The following MGME1 variants were observed in gnomAD, a reference collection of about 807,000 sequenced individuals.
MGME1 encodes chromosome 20 open reading frame 72.
In MGME1, 22 loss-of-function variants were observed where a neutral mutation model predicts 33.0. The ratio of observed to expected loss-of-function variants is 0.67; its 90% confidence interval spans 0.48 to 0.95. The LOEUF (loss-of-function observed/expected upper bound fraction) is 0.95, where lower values mean the gene tolerates loss of function less well. Among genes scored for constraint, MGME1 ranks in the 40% least tolerant of loss-of-function variants. The pLI, the probability that MGME1 is intolerant of heterozygous loss-of-function variation, is 0.00. For missense variants in MGME1, 383 were observed against 397.8 expected (o/e 0.96, Z 0.32); for synonymous variants, 133 against 144.0 (o/e 0.92, Z 0.55).
At chr20:17,968,767 T>C (rs1056073130), upstream of MGME1, 5 of 339,678 alleles carry the variant, frequency 1.5e-5, no homozygotes, top group African/African-American at 8.7e-5. Context: ...CAACGGACAC[T>C]CTCCCAGCAA....
Position 17,969,956 on chromosome 20 carries a change from TACTC to T in MGME1, c.99_102del (p.Ser34ValfsTer7). ...CCTTGTGGCTTTCTCTACTTCCTCT[TACTC>T]ATGTGGCCGGAAGAAAAAAGTGAAC... On this transcript the variant is annotated frameshift_variant, in exon 2 of 5. Coordinates refer to ENST00000377710, the MANE Select transcript of MGME1 (RefSeq NM_052865.4). LOFTEE classifies it high-confidence loss of function. 1 of 1,614,196 alleles carries T rather than the reference TACTC, an allele frequency of 6.2e-7. No individual in the cohort carries two copies. Among genetic ancestry groups the T allele is most frequent in the Non-Finnish European group, 8.5e-7 (1 of 1,180,032 alleles).
At chr20:17,980,681 C>T (rs896764754) in intron 3 of MGME1, among the ~76,000 whole-genome samples, 1 of 151,748 alleles carries the variant, frequency 6.6e-6, no homozygotes, top group Non-Finnish European at 1.5e-5. Context: ...TGGTGGCAGG[C>T]GCCTGTAGTC....
intron 4 of MGME1, 61 bp downstream of exon 4, chr20:17,988,359 G>A (rs569335586): frequency 6.1e-5 from 95 of 1,567,332 alleles, no homozygotes; most frequent in Middle Eastern, 1.7e-4. Context: ...CTATAACTCC[G>A]GGCCGGGCGC....
chr20:17,981,469 A>G (rs372809674), intron 3 of MGME1, among the ~76,000 whole-genome samples: 2 of 152,188 alleles, frequency 1.3e-5, no homozygotes, highest in Non-Finnish European at 2.9e-5. Flanking sequence ...AATGCATACT[A>G]TGTATTCAGT....
intron 4 of MGME1, among the ~76,000 whole-genome samples, chr20:17,988,679 G>T (rs1022961331): frequency 1.3e-5 from 2 of 148,384 alleles, no homozygotes; most frequent in Admixed American, 1.4e-4. Flanking sequence ...ACTTCTCAGT[G>T]GGGGGGTAGG....
At chr20:17,983,338 A>C (rs1278275821) in intron 3 of MGME1, among the ~76,000 whole-genome samples, 4 of 151,084 alleles carry the variant, frequency 2.6e-5, no homozygotes, top group African/African-American at 9.8e-5. Context: ...CCATAGATGG[A>C]CACTTAGGTT....
At chr20:17,975,652 C>T (rs1451023688) in intron 2 of MGME1, 32 bp from the exon 3 acceptor site, 1 of 1,512,336 alleles carries the variant, frequency 6.6e-7, no homozygotes, top group African/African-American at 1.4e-5. Flanking sequence ...TTTGTGTTTC[C>T]CCCCTCCCCT....
intron 2 of MGME1, 152 bp downstream of exon 2, chr20:17,970,522 G>GTAT (rs2035700732): frequency 1.4e-6 from 1 of 717,448 alleles, no homozygotes; most frequent in African/African-American, 1.8e-5. Flanking sequence ...CACTTTATGT[G>GTAT]TATTAACTCA....
At chr20:17,974,105 C>G (rs559535864) in intron 2 of MGME1, among the ~76,000 whole-genome samples, 5 of 132,180 alleles carry the variant, frequency 3.8e-5, no homozygotes, top group Admixed American at 2.5e-4. Context: ...TGCTCTGTCA[C>G]CCAGGCTGGA....
At position 17,969,084 on chromosome 20, in the gene MGME1, C is replaced by G. The variant is rs1217262584; in HGVS notation, c.-117C>G. 3 of 152,466 alleles carry G rather than the reference C, an allele frequency of 2.0e-5. No homozygotes were observed. Among genetic ancestry groups the G allele is most frequent in the Non-Finnish European group, 4.4e-5 (3 of 68,098 alleles). The allele number at this position is 152,466 out of a possible 1,614,324, so 9.4% of individuals were successfully genotyped here. On this transcript the variant is annotated 5_prime_UTR_variant, in exon 1 of 5. Coordinates refer to ENST00000377710, the MANE Select transcript of MGME1 (RefSeq NM_052865.4). ...CCAAAGCGCGGGACGGATGAAAGTA[C>G]GGGTCGCGAGAGGTTGTTCGCGCCT...
Position 17,988,211 on chromosome 20 carries a change from G to A in MGME1, c.777G>A (p.Lys259=), listed in dbSNP as rs11551769. The change falls in exon 4 of 5, where the codon AAG becomes AAA. Residue 259 remains lysine, a synonymous_variant. Coordinates refer to ENST00000377710, the MANE Select transcript of MGME1 (RefSeq NM_052865.4). The stretch of plus-strand genomic sequence containing the variant: ...ATTGGAAGACATCAGAGAAACCAAA[G>A]CCTTTTATTCAAAGTACATTTGACA... ...VIDWKTSEKP[K]PFIQSTFDNP... 1 of 1,614,148 alleles carries A rather than the reference G, an allele frequency of 6.2e-7. No individual in the cohort carries two copies. The highest frequency in any genetic ancestry group is 2.2e-5 in the East Asian group (1 of 44,888).
chr20:17,977,021 G>A (rs1300538647), intron 3 of MGME1, among the ~76,000 whole-genome samples: 1 of 152,054 alleles, frequency 6.6e-6, no homozygotes, highest in Non-Finnish European at 1.5e-5. Flanking sequence ...GAGTCCAAGT[G>A]TTACAGGAAA....
At position 17,990,050 on chromosome 20, in the gene MGME1, G is replaced by C. The variant is rs1349213621; in HGVS notation, c.976G>C (p.Glu326Gln). 3.7e-6 allele frequency: 6 copies of C among 1,614,026 alleles called. No homozygotes were observed. Among genetic ancestry groups the C allele is most frequent in the Non-Finnish European group, 5.1e-6 (6 of 1,179,974 alleles). ...QYWTKWLLRL[E>Q]EYTEKKKNQN... ...CTGGACCAAGTGGCTTCTTCGACTA[G>C]AAGAATATACGGAAAAGAAAAAGAA... The change falls in exon 5 of 5, where the codon GAA becomes CAA. Residue 326 changes from glutamate to glutamine, a missense_variant. By Grantham distance (29) the Glu-to-Gln change is conservative. Coordinates refer to ENST00000377710, the MANE Select transcript of MGME1 (RefSeq NM_052865.4).
rs1210258110 is a variant in MGME1, at chr20:17,969,981, T to G, written c.122T>G (p.Val41Gly). The part of the protein sequence containing the change: ...SSYSCGRKKK[V>G]NPYEEVDQEK... ...TACTCATGTGGCCGGAAGAAAAAAG[T>G]GAACCCATATGAAGAAGTGGACCAA... The change falls in exon 2 of 5, where the codon GTG becomes GGG. Residue 41 changes from valine to glycine, a missense_variant. Coordinates refer to ENST00000377710, the MANE Select transcript of MGME1 (RefSeq NM_052865.4). 6.2e-7 allele frequency: 1 copy of G among 1,614,170 alleles called. No homozygotes were observed. Among genetic ancestry groups the G allele is most frequent in the South Asian group, 1.1e-5 (1 of 91,082 alleles).
Position 17,990,405 on chromosome 20 carries a change from G to A in MGME1, c.*296G>A. ...TGGTGACTCTTGTACTCCCTTGAGG[G>A]ACATTGGGGGGGGGGGGGCGTGGTC... On this transcript the variant is annotated 3_prime_UTR_variant, in exon 5 of 5. Transcript: ENST00000377710. 1 of 176,672 alleles carries A rather than the reference G, an allele frequency of 5.7e-6. No individual in the cohort carries two copies. The highest frequency in any genetic ancestry group is 1.1e-5 in the Non-Finnish European group (1 of 91,974). 10.9% of individuals were successfully genotyped at this position (176,672 alleles called of 1,614,324 possible). A position where few individuals can be genotyped will look rare whatever the true frequency, so the allele number is the denominator to read the frequency against.
chr20:17,989,672 A>AAAAAAAAG (rs1468089861), intron 4 of MGME1, among the ~76,000 whole-genome samples: 1 of 151,258 alleles, frequency 6.6e-6, no homozygotes, highest in African/African-American at 2.4e-5. Context: ...TCAAAAAAGA[A>AAAAAAAAG]AAAAAAAGCA....
At chr20:17,972,765 G>C in intron 2 of MGME1, 1 of 985,384 alleles carries the variant, frequency 1.0e-6, no homozygotes, top group Non-Finnish European at 1.2e-6. Context: ...AGTTTGCAGC[G>C]AGAAATGTAT....
intron 3 of MGME1, among the ~76,000 whole-genome samples, chr20:17,976,129 T>C (rs1024677035): frequency 6.6e-6 from 1 of 151,824 alleles, no homozygotes; most frequent in Non-Finnish European, 1.5e-5. Flanking sequence ...AGGTATATTC[T>C]TTGTTTGTTT....
At chr20:17,986,357 C>G (rs562020337) in intron 3 of MGME1, among the ~76,000 whole-genome samples, 4 of 150,862 alleles carry the variant, frequency 2.7e-5, no homozygotes, top group African/African-American at 9.7e-5. Context: ...GTGTAAGCCA[C>G]CGTGCCCGGC....
Sources: allele counts gnomAD v4.1 joint callset (sites outside exome capture counted in the v4.1 genomes callset), GRCh38; gene constraint gnomAD v4.1.1; transcripts MANE v1.5; gene names NCBI Gene and HGNC (gene_info 2026-07-23, HGNC 2026-07-21).